Variants in CACNA2D1 observed in about 807,000 individuals in gnomAD.
The protein encoded by CACNA2D1 is calcium voltage-gated channel auxiliary subunit alpha2delta 1.
Under a neutral mutation model 171.5 loss-of-function variants are expected in CACNA2D1, and 53 were observed. The observed-to-expected ratio is 0.31, with a 90% CI of 0.25 to 0.39. The LOEUF is 0.39. CACNA2D1 is among the 10% of genes least tolerant of loss of function. CACNA2D1 has a pLI of 1.00. For missense variants in CACNA2D1, 903 were observed against 1,299.8 expected (o/e 0.69, Z 4.69); for synonymous variants, 442 against 443.1 (o/e 1.00, Z 0.03).
At chr7:82,018,255 C>T (rs1800749031) in intron 12 of CACNA2D1, among the ~76,000 whole-genome samples, 4 of 152,078 alleles carry the variant, frequency 2.6e-5, no homozygotes, top group South Asian at 2.1e-4. Context: ...CAAGATTATA[C>T]AATTTAGCTT....
intron 1 of CACNA2D1, among the ~76,000 whole-genome samples, chr7:82,388,977 A>G (rs572722982): frequency 9.0e-4 from 136 of 151,892 alleles, no homozygotes; most frequent in African/African-American, 3.2e-3. Context: ...TTAGCTGGGC[A>G]TGGTGGCACA....
At chr7:82,313,897 AAT>A (rs1814777255) in intron 3 of CACNA2D1, among the ~76,000 whole-genome samples, 1 of 152,174 alleles carries the variant, frequency 6.6e-6, no homozygotes, top group Non-Finnish European at 1.5e-5. Flanking sequence ...TGTAATTTAA[AAT>A]ATATTACTCC....
chr7:81,994,192 A>AT (rs973366564), intron 20 of CACNA2D1, among the ~76,000 whole-genome samples: 9 of 152,236 alleles, frequency 5.9e-5, no homozygotes, highest in African/African-American at 2.2e-4. Context: ...TGAGACTTAC[A>AT]TTTTTCAAAT....
At chr7:82,273,767 T>G (rs982187072) in intron 3 of CACNA2D1, among the ~76,000 whole-genome samples, 3 of 152,180 alleles carry the variant, frequency 2.0e-5, no homozygotes, top group Admixed American at 2.0e-4. Context: ...CATGCATAAG[T>G]GTGCAGATGT....
At chr7:82,428,461 C>T (rs1032901389) in intron 1 of CACNA2D1, among the ~76,000 whole-genome samples, 8 of 152,236 alleles carry the variant, frequency 5.3e-5, no homozygotes, top group Non-Finnish European at 8.8e-5. Flanking sequence ...CACTCCCATT[C>T]CAGAGATTTT....
At chr7:82,305,267 T>C (rs1239363552) in intron 3 of CACNA2D1, among the ~76,000 whole-genome samples, 1 of 152,160 alleles carries the variant, frequency 6.6e-6, no homozygotes, top group Non-Finnish European at 1.5e-5. Context: ...AAAGTAAATA[T>C]ATAGAAATAA....
chr7:82,382,186 T>TGCGTATAG (rs759439706), intron 1 of CACNA2D1, among the ~76,000 whole-genome samples: 6 of 152,196 alleles, frequency 3.9e-5, no homozygotes, highest in Non-Finnish European at 7.3e-5. Context: ...GATAAATAAC[T>TGCGTATAG]GCGTATAGGA....
intron 3 of CACNA2D1, among the ~76,000 whole-genome samples, chr7:82,271,088 T>C (rs1464662848): frequency 6.6e-6 from 1 of 152,106 alleles, no homozygotes; most frequent in Non-Finnish European, 1.5e-5. Flanking sequence ...CTGCTCTGGC[T>C]TTTTTCATGT....
chr7:81,978,041 C>T (rs37082), intron 24 of CACNA2D1, among the ~76,000 whole-genome samples: 98,772 of 152,056 alleles, frequency 0.65, 32,200 homozygotes, highest in African/African-American at 0.68. Context: ...AATGAGATAA[C>T]ATCTCATGCC....
intron 3 of CACNA2D1, among the ~76,000 whole-genome samples, chr7:82,318,305 T>C (rs1815356619): frequency 6.6e-6 from 1 of 152,190 alleles, no homozygotes; most frequent in African/African-American, 2.4e-5. Context: ...TTTTGATCTT[T>C]ATGCAACTAC....
intron 9 of CACNA2D1, among the ~76,000 whole-genome samples, chr7:82,060,739 T>A (rs1806786533): frequency 6.6e-6 from 1 of 152,000 alleles, no homozygotes; most frequent in African/African-American, 2.4e-5. Context: ...AATATCAGTA[T>A]GTGTACATTT....
intron 3 of CACNA2D1, among the ~76,000 whole-genome samples, chr7:82,249,218 G>C (rs1029875087): frequency 6.6e-6 from 1 of 152,080 alleles, no homozygotes; most frequent in African/African-American, 2.4e-5. Flanking sequence ...TGTAACCGGG[G>C]TAAAAGACAC....
intron 1 of CACNA2D1, among the ~76,000 whole-genome samples, chr7:82,378,938 CGTGTGTGTGT>C (rs533854397): frequency 0.086 from 11,900 of 139,108 alleles, 580 homozygotes; most frequent in Middle Eastern, 0.14. Flanking sequence ...GGGGTTGACT[CGTGTGTGTGT>C]GTGTGTGTGT....
intron 7 of CACNA2D1, among the ~76,000 whole-genome samples, chr7:82,077,706 A>G (rs971754156): frequency 1.6e-4 from 25 of 152,118 alleles, no homozygotes; most frequent in African/African-American, 6.0e-4. Flanking sequence ...TATAATGATC[A>G]ACAACTATAT....
chr7:82,339,831 A>T (rs1317556676), intron 2 of CACNA2D1, among the ~76,000 whole-genome samples: 1 of 152,198 alleles, frequency 6.6e-6, no homozygotes, highest in African/African-American at 2.4e-5. Flanking sequence ...ACCTGTTAAT[A>T]TGTTGTTACA....
At chr7:82,299,674 AAGTT>A (rs1172630174) in intron 3 of CACNA2D1, among the ~76,000 whole-genome samples, 2 of 151,948 alleles carry the variant, frequency 1.3e-5, no homozygotes, top group African/African-American at 2.4e-5. Flanking sequence ...AAAAAAAAAA[AAGTT>A]AGATGAGAGT....
At chr7:82,401,352 T>C (rs547918020) in intron 1 of CACNA2D1, among the ~76,000 whole-genome samples, 1 of 150,508 alleles carries the variant, frequency 6.6e-6, no homozygotes, top group East Asian at 1.9e-4. Context: ...GTGGCACATA[T>C]ACACCATGGA....
intron 3 of CACNA2D1, among the ~76,000 whole-genome samples, chr7:82,245,391 C>T (rs1804785346): frequency 6.6e-6 from 1 of 152,104 alleles, no homozygotes; most frequent in Admixed American, 6.6e-5. Flanking sequence ...TTTATTCTTG[C>T]AGAAGTCTCC....
At chr7:81,970,927 A>C in intron 26 of CACNA2D1, 190 bp from the exon 27 acceptor site, 19 of 565,762 alleles carry the variant, frequency 3.4e-5, no homozygotes, top group Middle Eastern at 4.9e-4. Context: ...AAGACATCTC[A>C]TAGGAAATAA....
Sources: gnomAD v4.1 joint callset for allele counts (sites outside exome capture counted in the v4.1 genomes callset) on GRCh38, gnomAD v4.1.1 for gene constraint, MANE v1.5 for transcripts, NCBI Gene and HGNC (gene_info 2026-07-23, HGNC 2026-07-21) for gene names.